PFKFB3: variants seen among roughly 807,000 people sequenced by gnomAD.
PFKFB3 encodes 6-phosphofructo-2-kinase/fructose-2,6-biphosphatase 3.
Under a neutral mutation model 68.0 loss-of-function variants are expected in PFKFB3, and 33 were observed. The observed-to-expected ratio is 0.49, with a 90% CI of 0.37 to 0.65. The LOEUF is 0.65. Ranked by LOEUF, PFKFB3 falls within the 30% of genes least tolerant of loss-of-function variation. PFKFB3 has a pLI of 0.00. For missense variants in PFKFB3, 586 were observed against 712.2 expected, an observed-to-expected ratio of 0.82 and a Z score of 2.02; for synonymous variants, 315 against 288.2, an observed-to-expected ratio of 1.09 and a Z score of -0.94.
chr10:6,320,510 G>A, the PFKFB3 span, among the ~76,000 whole-genome samples: 98 of 151,896 alleles, frequency 6.5e-4, 2 homozygotes, highest in African/African-American at 2.0e-3. Context: ...AAAGGGCAGT[G>A]GCACGGTCAC....
At chr10:6,224,239 C>T (rs1042529038) in intron 13 of PFKFB3, 26 bp downstream of exon 13, 1 of 1,610,108 alleles carries the variant, frequency 6.2e-7, no homozygotes, top group Non-Finnish European at 8.5e-7. Context: ...AAGCCTCATC[C>T]TGGCCATCAT....
intron 1 of PFKFB3, among the ~76,000 whole-genome samples, chr10:6,177,460 C>CT (rs1286255611): frequency 1.0e-5 from 1 of 99,822 alleles, no homozygotes; most frequent in East Asian, 2.4e-4. Context: ...TTCTTTCTTT[C>CT]TTTCTTTCTT....
intron 14 of PFKFB3, among the ~76,000 whole-genome samples, chr10:6,248,247 G>A (rs1209349395): frequency 1.3e-5 from 2 of 152,172 alleles, no homozygotes; most frequent in African/African-American, 2.4e-5. Context: ...TGCTGGCTTG[G>A]AAATGTTATT....
Position 6,219,678 on chromosome 10 carries a change from C to T in PFKFB3, c.608C>T (p.Pro203Leu), listed in dbSNP as rs1432538243. The T allele has an allele frequency of 1.2e-6, 2 of 1,613,790 alleles. No homozygotes were observed. Among genetic ancestry groups the T allele is most frequent in the South Asian group, 2.2e-5 (2 of 91,064 alleles). Residue 203 changes from proline (P) to leucine (L), a missense_variant, in exon 7 of 15, where the codon CCC becomes CTC. Pro to Leu is a moderately conservative substitution (Grantham distance 98). Transcript: ENST00000379775. ...CYEASYQPLD[P>L]DKCDRDLSLI... ...GAAGCCAGCTACCAGCCCCTCGACC[C>T]CGACAAATGCGACAGGTGATTCCCG... is the stretch of plus-strand genomic sequence containing the variant.
the PFKFB3 span, among the ~76,000 whole-genome samples, chr10:6,277,326 T>G: frequency 1.1e-4 from 16 of 151,946 alleles, no homozygotes; most frequent in African/African-American, 3.6e-4. Context: ...CTCCGCCTCC[T>G]GGGTTCCAGC....
intron 4 of PFKFB3, among the ~76,000 whole-genome samples, chr10:6,216,498 C>T (rs1383260571): frequency 6.6e-6 from 1 of 152,182 alleles, no homozygotes; most frequent in Admixed American, 6.5e-5. Context: ...ATTTCCCCCA[C>T]GCTACCACCC....
intron 1 of PFKFB3, among the ~76,000 whole-genome samples, chr10:6,178,113 C>G (rs1413239684): frequency 6.6e-6 from 1 of 152,192 alleles, no homozygotes; most frequent in Non-Finnish European, 1.5e-5. Flanking sequence ...TGGCCCCAGT[C>G]TTGGTGATGA....
chr10:6,224,496 T>G (rs2132003130), intron 13 of PFKFB3: 1 of 558,960 alleles, frequency 1.8e-6, no homozygotes, highest in African/African-American at 1.9e-5. Context: ...TTTTTTTTTA[T>G]TTGAGACAGG....
intron 7 of PFKFB3, 28 bp downstream of exon 7, chr10:6,219,721 A>C (rs1844823203): frequency 6.2e-7 from 1 of 1,610,360 alleles, no homozygotes; most frequent in African/African-American, 1.3e-5. Context: ...CCGTCTCTGC[A>C]AGACCCACAT....
At chr10:6,298,306 T>C in the PFKFB3 span, among the ~76,000 whole-genome samples, 2 of 151,880 alleles carry the variant, frequency 1.3e-5, no homozygotes, top group Non-Finnish European at 2.9e-5. Context: ...CCGTGGAAAC[T>C]GGCTCAAGAA....
chr10:6,206,781 G>C (rs1444545503), intron 1 of PFKFB3, among the ~76,000 whole-genome samples: 1 of 128,212 alleles, frequency 7.8e-6, no homozygotes, highest in African/African-American at 3.1e-5. Flanking sequence ...CAGGCAGAGG[G>C]GGTCCTCACA....
At chr10:6,192,766 G>C (rs1194192051) in intron 1 of PFKFB3, among the ~76,000 whole-genome samples, 2 of 151,868 alleles carry the variant, frequency 1.3e-5, no homozygotes, top group Non-Finnish European at 2.9e-5. Flanking sequence ...CCAAATCATA[G>C]AGCAGCCCAG....
Position 6,228,174 on chromosome 10 carries a change from T to C in PFKFB3, c.1515+1809T>C, listed in dbSNP as rs748226710. 7 of 1,611,542 alleles carry C rather than the reference T, an allele frequency of 4.3e-6. No homozygotes were observed. Among genetic ancestry groups the C allele is most frequent in the Non-Finnish European group, 5.9e-6 (7 of 1,179,846 alleles). ...TGCGCCCTGCCTCCTGACTGACTTC[T>C]CTCTCTGCTTCTCCTCCGCAGCCTT... On this transcript the variant is annotated intron_variant, in intron 14 of 14. Transcript: ENST00000379775. This position sits in a 1 kb window ranked among gnomAD's most constrained non-coding sequence, Gnocchi z 4.5.
chr10:6,231,781 A>G (rs1005182383), intron 14 of PFKFB3, among the ~76,000 whole-genome samples: 3 of 151,314 alleles, frequency 2.0e-5, no homozygotes, highest in Non-Finnish European at 4.4e-5. Context: ...CAACCCCCGC[A>G]GGCAGCCGTC....
chr10:6,191,565 A>G (rs769907732), intron 1 of PFKFB3, among the ~76,000 whole-genome samples: 16 of 152,196 alleles, frequency 1.1e-4, no homozygotes, highest in Non-Finnish European at 2.2e-4. Context: ...TAGAGCTGGG[A>G]TGGGGGCTCG....
intron 1 of PFKFB3, among the ~76,000 whole-genome samples, chr10:6,178,715 T>A (rs1341823109): frequency 6.6e-6 from 1 of 152,214 alleles, no homozygotes; most frequent in Non-Finnish European, 1.5e-5. Context: ...CTGAAAGGAT[T>A]TACTGCTGTC....
chr10:6,218,430 T>G (rs912295603), intron 6 of PFKFB3, among the ~76,000 whole-genome samples: 1 of 151,606 alleles, frequency 6.6e-6, no homozygotes, highest in African/African-American at 2.4e-5. Flanking sequence ...ATTTATTTAT[T>G]TATTTATTTA....
chr10:6,246,129 C>A (rs1018420625), intron 14 of PFKFB3, among the ~76,000 whole-genome samples: 1 of 152,158 alleles, frequency 6.6e-6, no homozygotes, highest in Non-Finnish European at 1.5e-5. Context: ...TGGGCCCAGG[C>A]TTCCTGAGGG....
At chr10:6,260,472 A>G in the PFKFB3 span, among the ~76,000 whole-genome samples, 4 of 151,164 alleles carry the variant, frequency 2.6e-5, no homozygotes, top group Non-Finnish European at 5.9e-5. Flanking sequence ...AGGCTCCTTC[A>G]TGCCCCCTTT....
Sources: gnomAD v4.1 joint callset for allele counts (sites outside exome capture counted in the v4.1 genomes callset) on GRCh38, gnomAD v4.1.1 for gene constraint, Gnocchi (gnomAD v3.1) non-coding constraint, MANE v1.5 for transcripts, NCBI Gene and HGNC (gene_info 2026-07-23, HGNC 2026-07-21) for gene names.